MDFIC2: variants seen among roughly 807,000 people sequenced by gnomAD.
MDFIC2 encodes myoD family inhibitor domain-containing protein 2.
intron 2 of MDFIC2, among the ~76,000 whole-genome samples, chr3:70,266,515 G>T (rs976561518): frequency 3.9e-5 from 6 of 152,140 alleles, no homozygotes; most frequent in Admixed American, 3.9e-4. Context: ...GCATCTCCTA[G>T]GCTCAAGTGA....
intron 2 of MDFIC2, among the ~76,000 whole-genome samples, chr3:70,284,867 C>G (rs952231725): frequency 6.6e-6 from 1 of 152,052 alleles, no homozygotes; most frequent in Non-Finnish European, 1.5e-5. Flanking sequence ...ACCTATGTAA[C>G]AAACCTGCAC....
At chr3:70,222,398 A>G (rs1300578531) in intron 2 of MDFIC2, among the ~76,000 whole-genome samples, 1 of 152,212 alleles carries the variant, frequency 6.6e-6, no homozygotes, top group Non-Finnish European at 1.5e-5. Flanking sequence ...GAGTTATAGA[A>G]AACTATACAT....
intron 2 of MDFIC2, among the ~76,000 whole-genome samples, chr3:70,212,047 C>A (rs1701356913): frequency 6.6e-6 from 1 of 151,924 alleles, no homozygotes; most frequent in African/African-American, 2.4e-5. Flanking sequence ...TTCTTCCTAC[C>A]CTGCCCTTGA....
intron 2 of MDFIC2, among the ~76,000 whole-genome samples, chr3:70,260,800 T>C (rs1255422199): frequency 6.6e-6 from 1 of 152,042 alleles, no homozygotes; most frequent in South Asian, 2.1e-4. Context: ...CTATTGTCCC[T>C]CTTGGTGGGT....
intron 2 of MDFIC2, among the ~76,000 whole-genome samples, chr3:70,298,698 A>G (rs540630624): frequency 1.3e-5 from 2 of 152,066 alleles, no homozygotes; most frequent in East Asian, 1.9e-4. Context: ...GACTTGCCCA[A>G]ACTTTTCCAG....
chr3:70,217,580 T>C (rs1170294724), intron 2 of MDFIC2, among the ~76,000 whole-genome samples: 2 of 152,152 alleles, frequency 1.3e-5, no homozygotes, highest in East Asian at 3.9e-4. Context: ...TGTCCAATTT[T>C]TCCTAGAGCT....
At chr3:70,235,939 A>G (rs183747916) in intron 2 of MDFIC2, among the ~76,000 whole-genome samples, 353 of 152,254 alleles carry the variant, frequency 2.3e-3, no homozygotes, top group Non-Finnish European at 4.3e-3. Context: ...TCACCACGCC[A>G]TTTTTCCCAC....
intron 2 of MDFIC2, among the ~76,000 whole-genome samples, chr3:70,270,929 A>T (rs889062646): frequency 2.0e-5 from 3 of 152,062 alleles, no homozygotes; most frequent in Admixed American, 6.5e-5. Flanking sequence ...GAAATACCTA[A>T]TGTAGATGAT....
chr3:70,279,249 A>G (rs377604416), intron 2 of MDFIC2, among the ~76,000 whole-genome samples: 1 of 152,058 alleles, frequency 6.6e-6, no homozygotes, highest in East Asian at 1.9e-4. Flanking sequence ...ACATATTATT[A>G]TTTTCATTTT....
chr3:70,226,183 AC>A (rs1487917059), intron 2 of MDFIC2, among the ~76,000 whole-genome samples: 1 of 152,218 alleles, frequency 6.6e-6, no homozygotes, highest in Non-Finnish European at 1.5e-5. Context: ...CATTCGATAA[AC>A]ATTTATGAAT....
intron 2 of MDFIC2, among the ~76,000 whole-genome samples, chr3:70,244,403 A>C (rs1440230656): frequency 6.6e-6 from 1 of 152,236 alleles, no homozygotes; most frequent in Admixed American, 6.5e-5. Flanking sequence ...TCAAAAGGGC[A>C]TTCTATTTGC....
chr3:70,201,024 C>CTT (rs369942493), intron 3 of MDFIC2, among the ~76,000 whole-genome samples: 3 of 147,468 alleles, frequency 2.0e-5, no homozygotes, highest in Admixed American at 6.8e-5. Context: ...TGTTTTGTAA[C>CTT]TTTTTTTTTT....
intron 2 of MDFIC2, among the ~76,000 whole-genome samples, chr3:70,290,233 T>C (rs1164624746): frequency 1.3e-5 from 2 of 152,064 alleles, no homozygotes; most frequent in African/African-American, 4.8e-5. Flanking sequence ...TACAGATGGG[T>C]TTTTGGTGTG....
intron 2 of MDFIC2, among the ~76,000 whole-genome samples, chr3:70,229,293 A>C (rs2106743105): frequency 6.6e-6 from 1 of 152,312 alleles, no homozygotes; most frequent in South Asian, 2.1e-4. Flanking sequence ...GTGGGCAACC[A>C]TGTCAGTGCC....
intron 2 of MDFIC2, among the ~76,000 whole-genome samples, chr3:70,245,870 A>G (rs1457420270): frequency 2.6e-5 from 4 of 151,208 alleles, no homozygotes; most frequent in African/African-American, 9.7e-5. Context: ...TCCGCAGAAG[A>G]GGGCTGCCAT....
At chr3:70,231,576 T>C (rs1025974189) in intron 2 of MDFIC2, among the ~76,000 whole-genome samples, 19 of 152,182 alleles carry the variant, frequency 1.2e-4, no homozygotes, top group Admixed American at 1.1e-3. Context: ...TACCCCTTAA[T>C]GGGCTTGGAG....
intron 2 of MDFIC2, among the ~76,000 whole-genome samples, chr3:70,296,890 T>C (rs1348378646): frequency 1.3e-5 from 2 of 151,700 alleles, no homozygotes; most frequent in African/African-American, 4.8e-5. Context: ...ATGTTTCCCA[T>C]TGCCCTTAGA....
rs531272947 is a variant in MDFIC2 at position 70,278,465 on chromosome 3, G to A, written c.88+33421C>T. Reference sequence around the variant, plus strand: ...TAGAATGGGAAGACTTTTAGCTTTAGGTGGATACTGCCTAGCAGTTTTCCA... The same window carrying A: ...TAGAATGGGAAGACTTTTAGCTTTAAGTGGATACTGCCTAGCAGTTTTCCA... On this transcript the variant is annotated intron_variant, in intron 2 of 3. Coordinates refer to ENST00000567252, the MANE Select transcript of MDFIC2 (RefSeq NM_001364677.1). Among the ~76,000 whole-genome samples the A allele has an allele frequency of 7.2e-5, 11 of 152,266 alleles. No individual in the cohort carries two copies. The South Asian group carries it at 1.7e-3, about 23-fold the overall frequency.
chr3:70,274,224 G>T (rs1238297911), intron 2 of MDFIC2, among the ~76,000 whole-genome samples: 1 of 151,860 alleles, frequency 6.6e-6, no homozygotes, highest in African/African-American at 2.4e-5. Context: ...AAAGACAATT[G>T]ATATGTTTTA....
Sources: gnomAD v4.1 joint callset for allele counts (sites outside exome capture counted in the v4.1 genomes callset) on GRCh38, gnomAD v4.1.1 for gene constraint, MANE v1.5 for transcripts, NCBI Gene and HGNC (gene_info 2026-07-23, HGNC 2026-07-21) for gene names.